Variants in LOXL4 observed in about 807,000 individuals in gnomAD.
LOXL4 encodes the protein lysyl oxidase homolog 4.
Under a neutral mutation model 89.1 loss-of-function variants are expected in LOXL4, and 72 were observed. The observed-to-expected ratio is 0.81, with a 90% confidence interval of 0.67 to 0.98. The LOEUF is 0.98. Among genes scored for constraint, LOXL4 ranks in the 50% least tolerant of loss-of-function variants. The pLI is 0.00. For synonymous variants in LOXL4, 355 were observed against 392.1 expected (o/e 0.91, Z 1.12); for missense variants, 984 against 1,017.5 (o/e 0.97, Z 0.45).
chr10:98,257,047 C>T (rs1464733688), intron 8 of LOXL4, 100 bp from the exon 9 acceptor site: 3 of 1,394,926 alleles, frequency 2.2e-6, no homozygotes, highest in East Asian at 5.0e-5. Flanking sequence ...ACTGTGTCAC[C>T]CTAGACAAGA....
rs61731928 is a variant in LOXL4, at chr10:98,262,791, C to T, written c.229G>A (p.Glu77Lys). 6.3e-4 allele frequency: 1,016 copies of T among 1,613,424 alleles called. 3 individuals carry two copies. The African/African-American group carries it at 9.2e-3, about 15-fold the overall frequency. Residue 77 changes from glutamate to lysine, a missense_variant, in exon 2 of 15, where the codon GAA (glutamate) becomes AAA (lysine). Glu to Lys is a moderately conservative substitution (Grantham distance 56). Transcript: ENST00000260702. The stretch of plus-strand genomic sequence containing the variant: ...CTGTGGGCCCAGGTCAAGGCAGCTT[C>T]GAAGCCCAGCTGGCGGCAAGCCACT... ...ATVACRQLGF[E>K]AALTWAHSAK... is the part of the protein sequence containing the mutation.
intron 6 of LOXL4, 101 bp from the exon 7 acceptor site, chr10:98,258,265 G>T (rs1858440723): frequency 8.0e-7 from 1 of 1,254,758 alleles, no homozygotes; most frequent in Non-Finnish European, 1.1e-6. Context: ...CAAGTTCCAT[G>T]GCGGTGGCCA....
chr10:98,255,838 T>C, intron 9 of LOXL4, 99 bp from the exon 10 acceptor site: 1 of 1,438,654 alleles, frequency 7.0e-7, no homozygotes, highest in Non-Finnish European at 9.5e-7. Flanking sequence ...CCCACCGGGT[T>C]GTGTCCAGCC....
chr10:98,253,621 G>A lies in LOXL4; in HGVS notation c.1767C>T (p.Tyr589=), dbSNP rs148352935. 109 of 1,614,270 alleles carry A rather than the reference G, an allele frequency of 6.8e-5. 1 individual carries two copies. The African/African-American group carries it at 1.3e-3, about 19-fold the overall frequency. The change falls in exon 11 of 15, where the codon TAC becomes TAT. Residue 589 remains tyrosine (Y), a synonymous_variant. Transcript: ENST00000260702. ...RRLLRFSTQI[Y]NLGRTDFRPK... is the part of the protein sequence containing the mutation. ...GACGAAAGTCAGTCCGGCCCAGATT[G>A]TAGATCTGTGTGGAGAAGCGCAATA...
At chr10:98,252,302 A>G in intron 12 of LOXL4, 51 bp downstream of exon 12, 1 of 1,377,182 alleles carries the variant, frequency 7.3e-7, no homozygotes, top group Non-Finnish European at 1.0e-6. Context: ...AAAGGGGCTG[A>G]AGAACATAAC....
At position 98,259,095 on chromosome 10, in the gene LOXL4, C is replaced by A; in HGVS notation, c.835G>T (p.Gly279Cys). The change falls in exon 6 of 15, where the codon GGC (glycine) becomes TGC (cysteine). Residue 279 changes from glycine to cysteine, a missense_variant. Gly to Cys is a radical substitution (Grantham distance 159, BLOSUM62 -3). Coordinates refer to ENST00000260702, the MANE Select transcript of LOXL4 (RefSeq NM_032211.7). ...ACACAGCTGACCACAGCGTGCATGC[C>A]ACCTGGGCAGGCTGGCCGCAGCTTG... Reference protein sequence around the residue: ...RGKLRPACPGGMHAVVSCVAG... With the variant: ...RGKLRPACPGCMHAVVSCVAG... 6.2e-7 allele frequency: 1 copy of A among 1,600,812 alleles called. No homozygotes were observed. Among genetic ancestry groups the A allele is most frequent in the African/African-American group, 1.3e-5 (1 of 74,868 alleles).
At chr10:98,263,285 A>C (rs1486715758) in intron 1 of LOXL4, among the ~76,000 whole-genome samples, 2 of 152,132 alleles carry the variant, frequency 1.3e-5, no homozygotes, top group African/African-American at 4.8e-5. Context: ...ACTTAACCTC[A>C]CTGAGTCTCA....
chr10:98,263,183 CACACACACACAGTG>C, intron 1 of LOXL4, 132 bp from the exon 2 acceptor site: 1 of 624,036 alleles, frequency 1.6e-6, no homozygotes, highest in East Asian at 2.8e-5. Context: ...TGCACGCGCA[CACACACACACAGTG>C]GCATTAATTG....
rs1048357661 is a variant in LOXL4 at position 98,258,014 on chromosome 10, G to A, written c.1072C>T (p.Arg358Trp). 6.8e-6 allele frequency: 11 copies of A among 1,613,870 alleles called. No homozygotes were observed. Among genetic ancestry groups the A allele is most frequent in the Non-Finnish European group, 7.6e-6 (9 of 1,180,022 alleles). Residue 358 changes from arginine (R) to tryptophan (W), a missense_variant, in exon 7 of 15, where the codon CGG (arginine) becomes TGG (tryptophan). Transcript: ENST00000260702. ...AGCCGGGCCCCAAAGAGGGCCTCCC[G>A]AGCAGAGCCAAAGCCCAGCTGACGA... The part of the protein sequence containing the change: ...VCRQLGFGSA[R>W]EALFGARLGQ...
At chr10:98,258,873 G>A (rs746969) in intron 6 of LOXL4, 136 bp downstream of exon 6, 6,758 of 653,636 alleles carry the variant, frequency 0.01, 282 homozygotes, top group African/African-American at 0.1. Context: ...AGGTTCTACA[G>A]TTCTGTGATT....
intron 10 of LOXL4, among the ~76,000 whole-genome samples, chr10:98,255,148 G>C (rs548996768): frequency 3.2e-4 from 49 of 152,118 alleles, no homozygotes; most frequent in African/African-American, 1.1e-3. Flanking sequence ...TTGGCCCCGG[G>C]TGTGCTCATA....
Position 98,254,884 on chromosome 10 carries a change from A to C in LOXL4, c.1591+693T>G, listed in dbSNP as rs116465244. Among the ~76,000 whole-genome samples, 451 of 152,328 alleles carry C rather than the reference A, an allele frequency of 3.0e-3. 4 individuals carry two copies. The highest frequency in any genetic ancestry group is 9.2e-3 in the African/African-American group (382 of 41,586). ...TGGACAGAGAGGAAGCCAGGAGCTC[A>C]CTGACAAAGATGAAGGATATCTTGG... On this transcript the variant is annotated intron_variant, in intron 10 of 14. Coordinates refer to ENST00000260702, the MANE Select transcript of LOXL4 (RefSeq NM_032211.7).
chr10:98,259,155 C>T lies in LOXL4; in HGVS notation c.775G>A (p.Ala259Thr), dbSNP rs141109777. ...VTCLGTEPHM[A>T]NCQVQVAPAR... ...GGAGCCACCTGCACCTGGCAGTTGG[C>T]CATGTGGGGCTCTGTCCCCAGGCAG... The change falls in exon 6 of 15, where the codon GCC becomes ACC. Residue 259 changes from alanine to threonine, a missense_variant. Coordinates refer to ENST00000260702, the MANE Select transcript of LOXL4 (RefSeq NM_032211.7). 93 of 1,612,104 alleles carry T rather than the reference C, an allele frequency of 5.8e-5. 1 individual carries two copies. The East Asian group carries it at 6.2e-4, about 11-fold the overall frequency.
Position 98,255,653 on chromosome 10 carries a change from C to G in LOXL4, c.1515G>C (p.Gln505His). 6.2e-7 allele frequency: 1 copy of G among 1,613,748 alleles called. No individual in the cohort carries two copies. Among genetic ancestry groups the G allele is most frequent in the Non-Finnish European group, 8.5e-7 (1 of 1,179,724 alleles). ...VRCSGTELAL[Q>H]QCQRHGPVHC... ...GCACCGGCCCGTGCCTCTGGCACTG[C>G]TGCAGGGCCAGCTCTGTGCCTGAGC... Residue 505 changes from glutamine (Q) to histidine (H), a missense_variant, in exon 10 of 15, where the codon CAG (glutamine) becomes CAC (histidine). Physicochemically the swap from Gln to His is conservative, Grantham distance 24. Coordinates refer to ENST00000260702, the MANE Select transcript of LOXL4 (RefSeq NM_032211.7).
chr10:98,251,421 T>TA (rs1317849620), intron 13 of LOXL4, 145 bp downstream of exon 13: 2 of 1,145,054 alleles, frequency 1.7e-6, no homozygotes, highest in Non-Finnish European at 2.5e-6. Flanking sequence ...GCTTGACTGT[T>TA]ACTTCCCTAA....
intron 1 of LOXL4, among the ~76,000 whole-genome samples, chr10:98,265,371 CTATTAT>C (rs148906358): frequency 0.39 from 45,711 of 118,420 alleles, 11,543 homozygotes; most frequent in Admixed American, 0.49. Context: ...TAACAATGAA[CTATTAT>C]TATTATTATT....
chr10:98,256,599 T>C, intron 9 of LOXL4, 181 bp downstream of exon 9: 1 of 658,272 alleles, frequency 1.5e-6, no homozygotes, highest in Non-Finnish European at 2.6e-6. Context: ...GACGATTTCA[T>C]TAGGACTATG....
intron 1 of LOXL4, among the ~76,000 whole-genome samples, chr10:98,264,901 A>C: frequency 6.6e-6 from 1 of 152,130 alleles, no homozygotes; most frequent in South Asian, 2.1e-4. Flanking sequence ...CATCCGCTTG[A>C]GTGGGGAGGC....
intron 3 of LOXL4, 78 bp downstream of exon 3, chr10:98,261,957 C>T (rs1564761482): frequency 8.4e-6 from 12 of 1,428,050 alleles, no homozygotes; most frequent in Non-Finnish European, 1.1e-5. Context: ...CGCTTATCCT[C>T]TAGGCCCGTC....
Sources: allele counts gnomAD v4.1 joint callset (sites outside exome capture counted in the v4.1 genomes callset), GRCh38; gene constraint gnomAD v4.1.1; transcripts MANE v1.5; gene names NCBI Gene and HGNC (gene_info 2026-07-23, HGNC 2026-07-21).